FAM9B: variants seen among roughly 807,000 people sequenced by gnomAD.
FAM9B encodes family with sequence similarity 9 member B, also known as protein FAM9B.
A neutral mutation model predicts 16.6 loss-of-function variants in FAM9B; 18 were observed. That is an observed-to-expected ratio of 1.09 (90% CI 0.75 to 1.61). FAM9B has a LOEUF of 1.61. Ranked by LOEUF, FAM9B falls within the 40% of genes most tolerant of loss-of-function variation. The probability of loss-of-function intolerance (pLI) is 0.00; values close to 1 mark genes in which losing one functional copy is unlikely to be tolerated. For missense variants in FAM9B, 155 were observed against 136.0 expected, an observed-to-expected ratio of 1.14 and a Z score of -0.70; for synonymous variants, 43 against 42.6, an observed-to-expected ratio of 1.01 and a Z score of -0.03.
At chrX:9,033,707 C>T in intron 1 of FAM9B, 145 bp downstream of exon 1, 3 of 683,754 alleles carry the variant, frequency 4.4e-6, no homozygotes, top group Non-Finnish European at 5.2e-6. Flanking sequence ...CCTAGCCCAC[C>T]CTCAGGGCCT....
chrX:9,032,643 G>A, intron 2 of FAM9B, 182 bp from the exon 3 acceptor site: 1 of 738,821 alleles, frequency 1.4e-6, no homozygotes, highest in Non-Finnish European at 1.9e-6. Context: ...AGGGACTTTT[G>A]GAAGCCCTTC....
rs1921180582 is a variant in FAM9B, at chrX:9,034,103, G to A, written c.-341C>T. On this transcript the variant is annotated 5_prime_UTR_variant, in exon 1 of 9. It adds an upstream start codon to the 5' untranslated region. Transcript: ENST00000327220. ...TAAAGAAAACGGGTCCTCAGTTCTCGTGAGAGCTGCAGGCAGGACTTCCTG... is the reference window on the plus strand; with the variant it reads ...TAAAGAAAACGGGTCCTCAGTTCTCATGAGAGCTGCAGGCAGGACTTCCTG... 1.5e-5 allele frequency: 2 copies of A among 133,107 alleles called. No homozygotes were observed. The highest frequency in any genetic ancestry group is 3.1e-4 in the South Asian group (1 of 3,196). 11.0% of individuals were successfully genotyped at this position (133,107 alleles called of 1,213,427 possible).
At chrX:9,026,261 G>A (rs1920965674) in intron 7 of FAM9B, among the ~76,000 whole-genome samples, 1 of 111,971 alleles carries the variant, frequency 8.9e-6, no homozygotes, top group East Asian at 2.8e-4. Context: ...TTTAGTTGGC[G>A]AAAGGTTTCA....
Position 9,033,302 on chromosome X carries a change from G to A in FAM9B, c.-89-227C>T, listed in dbSNP as rs1921147769. ...GCTGCCCCTCACACCTGAACTCCACGGCCTCTGCGGGATCCTCGCCGCCCT... is the reference window on the plus strand; with the variant it reads ...GCTGCCCCTCACACCTGAACTCCACAGCCTCTGCGGGATCCTCGCCGCCCT... On this transcript the variant is annotated intron_variant, in intron 1 of 8. Transcript: ENST00000327220. The A allele has an allele frequency of 7.5e-6, 8 of 1,063,709 alleles. 1 individual carries two copies. The highest frequency in any genetic ancestry group is 5.7e-5 in the African/African-American group (3 of 52,348). The allele number at this position is 1,063,709 out of a possible 1,213,427, so 87.7% of individuals were successfully genotyped here. A position where few individuals can be genotyped will look rare whatever the true frequency, so the allele number is the denominator to read the frequency against.
At chrX:9,031,855 C>G (rs1378304119) in intron 4 of FAM9B, 2 of 310,152 alleles carry the variant, frequency 6.4e-6, no homozygotes, top group Non-Finnish European at 1.1e-5. Flanking sequence ...CTCCACTGTC[C>G]TCTAATATCC....
intron 5 of FAM9B, 117 bp from the exon 6 acceptor site, chrX:9,029,535 C>T: frequency 2.3e-6 from 1 of 441,105 alleles, no homozygotes; most frequent in Non-Finnish European, 3.8e-6. Flanking sequence ...GGAGTAATAG[C>T]AGCTGAAATC....
In FAM9B at chrX:9,033,733, C is replaced by A. The variant is rs5979011; in HGVS notation, c.-90+119G>T. 5.0e-3 allele frequency: 3,698 copies of A among 739,485 alleles called. 107 individuals carry two copies. In the African/African-American group the frequency reaches 0.075, roughly 15 times the overall value. 60.9% of individuals were successfully genotyped at this position (739,485 alleles called of 1,213,427 possible). ...CTCAGGGCCTCGCCCTGACCCAGGC[C>A]CCAGGCGACGACGCTGGGGCCATTT... On this transcript the variant is annotated intron_variant, in intron 1 of 8. Transcript: ENST00000327220.
intron 6 of FAM9B, among the ~76,000 whole-genome samples, chrX:9,028,864 C>T: frequency 9.0e-6 from 1 of 111,220 alleles, no homozygotes; most frequent in East Asian, 2.8e-4. Flanking sequence ...TACTACAGCT[C>T]AGGAGTCTGT....
intron 6 of FAM9B, 109 bp from the exon 7 acceptor site, chrX:9,028,075 A>G: frequency 1.9e-6 from 1 of 521,626 alleles, no homozygotes; most frequent in East Asian, 3.6e-5. Flanking sequence ...ATACCTCTGA[A>G]CACTTTCTTT....
intron 7 of FAM9B, among the ~76,000 whole-genome samples, chrX:9,027,363 T>C (rs1270942411): frequency 2.7e-5 from 3 of 111,830 alleles, no homozygotes; most frequent in East Asian, 5.6e-4. Context: ...AAAAAAGCCA[T>C]CCAGAAAGGA....
intron 1 of FAM9B, 140 bp from the exon 2 acceptor site, chrX:9,033,215 C>A: frequency 8.9e-7 from 1 of 1,128,279 alleles, no homozygotes. Flanking sequence ...GGAAAAGATG[C>A]CAGTGTCCCC....
intron 5 of FAM9B, among the ~76,000 whole-genome samples, chrX:9,029,679 A>G (rs924770927): frequency 1.8e-5 from 2 of 111,898 alleles, no homozygotes; most frequent in Admixed American, 9.5e-5. Flanking sequence ...TAACTTTCCC[A>G]GAAACATTTT....
At chrX:9,033,148 G>A (rs1464657265) in intron 1 of FAM9B, 73 bp from the exon 2 acceptor site, 28 of 1,168,257 alleles carry the variant, frequency 2.4e-5, no homozygotes, top group Non-Finnish European at 3.1e-5. Context: ...TGGGATCACA[G>A]GTTCAAGAAG....
At chrX:9,029,454 TAG>T (rs1921008114) in intron 5 of FAM9B, 36 bp from the exon 6 acceptor site, 1 of 977,307 alleles carries the variant, frequency 1.0e-6, no homozygotes, top group South Asian at 2.2e-5. Flanking sequence ...TCATACGTCA[TAG>T]AGAGATGAAA....
intron 2 of FAM9B, 92 bp from the exon 3 acceptor site, chrX:9,032,553 T>TG (rs149136773): frequency 0.029 from 8,404 of 285,347 alleles, 46 homozygotes; most frequent in Non-Finnish European, 0.035. Context: ...TAGACTTTTT[T>TG]GGGGGGGGGG....
chrX:9,027,983 A>G lies in FAM9B; in HGVS notation c.394-17T>C, dbSNP rs1275293897. Reference sequence around the variant, plus strand: ...AAATATTCTCTAGAATCCCAAAACAAAATAGTGATAAAAATTGGGTAAATT... The same window carrying G: ...AAATATTCTCTAGAATCCCAAAACAGAATAGTGATAAAAATTGGGTAAATT... On this transcript the variant is annotated splice_polypyrimidine_tract_variant and intron_variant, in intron 6 of 8. Coordinates refer to ENST00000327220, the MANE Select transcript of FAM9B (RefSeq NM_205849.3). 2 of 1,108,814 alleles carry G rather than the reference A, an allele frequency of 1.8e-6. No individual in the cohort carries two copies. The highest frequency in any genetic ancestry group is 2.5e-6 in the Non-Finnish European group (2 of 805,257). The allele number at this position is 1,108,814 out of a possible 1,213,427, so 91.4% of individuals were successfully genotyped here. A position where few individuals can be genotyped will look rare whatever the true frequency, so the allele number is the denominator to read the frequency against.
At chrX:9,029,241 CATGAACTATT>C in intron 6 of FAM9B, 56 bp downstream of exon 6, 1 of 917,164 alleles carries the variant, frequency 1.1e-6, no homozygotes, top group East Asian at 3.2e-5. Flanking sequence ...TGGATTTCTG[CATGAACTATT>C]ACTACCTGAG....
chrX:9,028,808 A>G (rs1350280868), intron 6 of FAM9B, among the ~76,000 whole-genome samples: 1 of 111,209 alleles, frequency 9.0e-6, no homozygotes, highest in Non-Finnish European at 1.9e-5. Context: ...CCAACTTCCC[A>G]ACATACAGCC....
intron 2 of FAM9B, 94 bp from the exon 3 acceptor site, chrX:9,032,555 G>C (rs757803656): frequency 1.4e-4 from 57 of 416,192 alleles, no homozygotes; most frequent in East Asian, 7.0e-4. Context: ...GACTTTTTTG[G>C]GGGGGGGGGG....
Sources: gnomAD v4.1 joint callset for allele counts (sites outside exome capture counted in the v4.1 genomes callset) on GRCh38, gnomAD v4.1.1 for gene constraint, MANE v1.5 for transcripts, NCBI Gene and HGNC (gene_info 2026-07-23, HGNC 2026-07-21) for gene names.